Variants in SLC4A4 observed in about 807,000 individuals in gnomAD.
The protein encoded by SLC4A4 is solute carrier family 4 member 4.
SLC4A4 carries 27 observed loss-of-function variants against 111.5 expected under a neutral mutation model. The ratio of observed to expected loss-of-function variants is 0.24; its 90% confidence interval spans 0.18 to 0.33. SLC4A4 has a LOEUF of 0.33. Among genes scored for constraint, SLC4A4 ranks in the 10% least tolerant of loss-of-function variants. The probability of loss-of-function intolerance (pLI) is 1.00; values close to 1 mark genes in which losing one functional copy is unlikely to be tolerated. For missense variants in SLC4A4, 909 were observed against 1,315.5 expected (o/e 0.69, Z 4.78); for synonymous variants, 443 against 463.4 (o/e 0.96, Z 0.57).
chr4:71,159,390 T>C (rs1224710745), intron 2 of SLC4A4, among the ~76,000 whole-genome samples: 3 of 152,190 alleles, frequency 2.0e-5, no homozygotes, highest in Non-Finnish European at 4.4e-5. Flanking sequence ...TTTTGTCTTA[T>C]TGAGACAGAA....
intron 3 of SLC4A4, among the ~76,000 whole-genome samples, chr4:71,262,449 T>C (rs374753031): frequency 6.6e-6 from 1 of 152,204 alleles, no homozygotes; most frequent in Non-Finnish European, 1.5e-5. Context: ...TCATCACTTT[T>C]ATAGAGGTGT....
intron 17 of SLC4A4, among the ~76,000 whole-genome samples, chr4:71,532,792 C>T (rs1167542093): frequency 2.0e-5 from 3 of 152,122 alleles, no homozygotes; most frequent in African/African-American, 4.8e-5. Flanking sequence ...GATTATGGAA[C>T]TAGTAATGTC....
intron 7 of SLC4A4, among the ~76,000 whole-genome samples, chr4:71,428,648 A>G (rs1723368039): frequency 6.6e-6 from 1 of 152,182 alleles, no homozygotes; most frequent in Admixed American, 6.6e-5. Flanking sequence ...AGCAGGACGA[A>G]GAGAAAATAA....
At chr4:71,107,637 C>G (rs1345983595) in intron 2 of SLC4A4, among the ~76,000 whole-genome samples, 1 of 152,176 alleles carries the variant, frequency 6.6e-6, no homozygotes. Context: ...ACAAAAGACA[C>G]TGCACCCGGC....
intron 3 of SLC4A4, among the ~76,000 whole-genome samples, chr4:71,278,121 A>G (rs1294272132): frequency 1.3e-5 from 2 of 152,068 alleles, no homozygotes; most frequent in African/African-American, 2.4e-5. Flanking sequence ...AGCCCCTGGT[A>G]ACTGCCCTTT....
chr4:71,442,989 T>A (rs1237479506), intron 8 of SLC4A4, among the ~76,000 whole-genome samples: 1 of 151,286 alleles, frequency 6.6e-6, no homozygotes, highest in Non-Finnish European at 1.5e-5. Flanking sequence ...TATTCTTTGA[T>A]CTTTGGTTAC....
At chr4:71,072,946 T>C (rs1346282801) in intron 1 of SLC4A4, among the ~76,000 whole-genome samples, 1 of 151,902 alleles carries the variant, frequency 6.6e-6, no homozygotes, top group Non-Finnish European at 1.5e-5. Context: ...TTTTGTATTA[T>C]TATTATTATT....
At chr4:71,189,559 G>A (rs559219737) in intron 1 of SLC4A4, among the ~76,000 whole-genome samples, 1 of 152,254 alleles carries the variant, frequency 6.6e-6, no homozygotes, top group Non-Finnish European at 1.5e-5. Context: ...CAGTTTTGAG[G>A]TTCTGATCCC....
intron 14 of SLC4A4, among the ~76,000 whole-genome samples, chr4:71,477,698 C>T (rs1188625994): frequency 1.3e-5 from 2 of 151,694 alleles, no homozygotes; most frequent in African/African-American, 4.8e-5. Context: ...AGCATAAATA[C>T]TAGAATTTTG....
intron 2 of SLC4A4, among the ~76,000 whole-genome samples, chr4:71,110,622 G>A (rs758174654): frequency 5.4e-4 from 82 of 152,132 alleles, no homozygotes; most frequent in Non-Finnish European, 1.1e-3. Context: ...AAGTTCGTAG[G>A]GCAGGCATAT....
At chr4:71,414,356 G>A (rs548660286) in intron 7 of SLC4A4, among the ~76,000 whole-genome samples, 7 of 152,222 alleles carry the variant, frequency 4.6e-5, no homozygotes, top group Non-Finnish European at 1.0e-4. Context: ...GCAGAGCTTT[G>A]TTGGGTTCAT....
chr4:71,091,357 A>G (rs1235797611), intron 1 of SLC4A4, among the ~76,000 whole-genome samples: 1 of 149,356 alleles, frequency 6.7e-6, no homozygotes, highest in Non-Finnish European at 1.5e-5. Context: ...GGTTCACGCC[A>G]TTCTCCTGCC....
chr4:71,131,516 G>A (rs959304849), intron 2 of SLC4A4, among the ~76,000 whole-genome samples: 1 of 152,194 alleles, frequency 6.6e-6, no homozygotes, highest in Non-Finnish European at 1.5e-5. Context: ...CTGCCAATCA[G>A]GGTAAAAAGC....
upstream of SLC4A4, among the ~76,000 whole-genome samples, chr4:71,182,820 C>T (rs1259696881): frequency 1.3e-5 from 2 of 152,064 alleles, no homozygotes; most frequent in East Asian, 1.9e-4. Flanking sequence ...TCTCTACCAC[C>T]GTACCTAAAA....
At chr4:71,103,032 C>T (rs56871925) in intron 2 of SLC4A4, among the ~76,000 whole-genome samples, 5,702 of 149,962 alleles carry the variant, frequency 0.038, 141 homozygotes, top group African/African-American at 0.075. Flanking sequence ...ACCCATCTCA[C>T]GTGCAGAGAC....
At chr4:71,463,804 T>G (rs1727064170) in intron 12 of SLC4A4, among the ~76,000 whole-genome samples, 2 of 152,152 alleles carry the variant, frequency 1.3e-5, no homozygotes, top group Non-Finnish European at 2.9e-5. Flanking sequence ...GATAGCATGA[T>G]GAGAGAAAGA....
At chr4:71,296,060 GA>G (rs1235419156) in intron 3 of SLC4A4, among the ~76,000 whole-genome samples, 2 of 151,586 alleles carry the variant, frequency 1.3e-5, no homozygotes, top group Non-Finnish European at 2.9e-5. Flanking sequence ...AGTGGTTCAA[GA>G]ATACAGTGAT....
intron 3 of SLC4A4, among the ~76,000 whole-genome samples, chr4:71,269,436 C>T (rs1017062204): frequency 3.9e-5 from 6 of 152,280 alleles, no homozygotes; most frequent in Admixed American, 1.3e-4. Flanking sequence ...GGGCTTTTCC[C>T]GTTGCTCATC....
intron 2 of SLC4A4, among the ~76,000 whole-genome samples, chr4:71,180,418 T>C (rs1745251491): frequency 6.6e-6 from 1 of 152,104 alleles, no homozygotes; most frequent in Non-Finnish European, 1.5e-5. Context: ...ACAAGCAACC[T>C]ACAGAATGGG....
Sources: allele counts gnomAD v4.1 joint callset (sites outside exome capture counted in the v4.1 genomes callset), GRCh38; gene constraint gnomAD v4.1.1; transcripts MANE v1.5; gene names NCBI Gene and HGNC (gene_info 2026-07-23, HGNC 2026-07-21).